Variants in SLC71A2 observed in about 807,000 individuals in gnomAD.
SLC71A2 encodes solute carrier family 71 member 2.
the SLC71A2 span, among the ~76,000 whole-genome samples, chr9:94,408,406 T>G: frequency 6.6e-6 from 1 of 152,196 alleles, no homozygotes; most frequent in Non-Finnish European, 1.5e-5. Flanking sequence ...AGGGGGCAAC[T>G]ACTGTAATGC....
At chr9:94,460,344 G>C in the SLC71A2 span, 252 of 152,702 alleles carry the variant, frequency 1.7e-3, no homozygotes, top group African/African-American at 6.0e-3. Flanking sequence ...TCCATGTCCT[G>C]CTTCTCAAAG....
At chr9:94,384,437 T>G in the SLC71A2 span, among the ~76,000 whole-genome samples, 2 of 150,364 alleles carry the variant, frequency 1.3e-5, no homozygotes, top group African/African-American at 4.9e-5. Flanking sequence ...CTCCCCAGGC[T>G]CAGGCGATCC....
chr9:94,424,250 G>GGA, the SLC71A2 span, among the ~76,000 whole-genome samples: 1 of 151,746 alleles, frequency 6.6e-6, no homozygotes, highest in African/African-American at 2.4e-5. Flanking sequence ...GGCGGAGGGG[G>GGA]GAGCAATGGA....
the SLC71A2 span, among the ~76,000 whole-genome samples, chr9:94,449,811 A>T: frequency 1.3e-5 from 2 of 152,244 alleles, no homozygotes; most frequent in African/African-American, 4.8e-5. Context: ...AGTAGAATCA[A>T]CTCAAATGTC....
chr9:94,418,037 A>G, the SLC71A2 span, among the ~76,000 whole-genome samples: 40 of 152,060 alleles, frequency 2.6e-4, no homozygotes, highest in Admixed American at 5.9e-4. Flanking sequence ...TTGTATTTTT[A>G]GTAGAGACGA....
chr9:94,404,306 T>C, the SLC71A2 span, among the ~76,000 whole-genome samples: 1 of 152,088 alleles, frequency 6.6e-6, no homozygotes, highest in East Asian at 1.9e-4. Flanking sequence ...TCTTTTTTGT[T>C]TTTTTGGGGG....
At chr9:94,399,405 T>C in the SLC71A2 span, among the ~76,000 whole-genome samples, 1 of 152,334 alleles carries the variant, frequency 6.6e-6, no homozygotes, top group East Asian at 1.9e-4. Context: ...CTCTTTCAGC[T>C]GATAGAGTGT....
At chr9:94,380,263 T>C in the SLC71A2 span, among the ~76,000 whole-genome samples, 17 of 152,040 alleles carry the variant, frequency 1.1e-4, no homozygotes, top group East Asian at 3.3e-3. Flanking sequence ...AGAGCGAGAC[T>C]CTTTCTCAAA....
At chr9:94,454,158 A>G in the SLC71A2 span, 1 of 877,362 alleles carries the variant, frequency 1.1e-6, no homozygotes, top group Non-Finnish European at 1.9e-6. Flanking sequence ...AGAAGGAAGC[A>G]AGGGTTATTT....
chr9:94,442,893 C>A, the SLC71A2 span, among the ~76,000 whole-genome samples: 1 of 151,622 alleles, frequency 6.6e-6, no homozygotes, highest in Non-Finnish European at 1.5e-5. Context: ...AACCTCCCCC[C>A]GCCCTGCCAA....
chr9:94,379,189 C>T, the SLC71A2 span, among the ~76,000 whole-genome samples: 1 of 150,356 alleles, frequency 6.7e-6, no homozygotes, highest in Non-Finnish European at 1.5e-5. Flanking sequence ...CGGGTTCAAG[C>T]GATTCTCCTG....
chr9:94,444,844 CCCTGGTTGAGTGTGCTTT>C, the SLC71A2 span: 1 of 815,142 alleles, frequency 1.2e-6, no homozygotes, highest in Admixed American at 2.1e-5. Flanking sequence ...ACCTGTGGGA[CCCTGGTTGAGTGTGCTTT>C]CCTGAAGGTG....
At chr9:94,384,806 A>G in the SLC71A2 span, among the ~76,000 whole-genome samples, 2 of 152,158 alleles carry the variant, frequency 1.3e-5, no homozygotes, top group Admixed American at 6.6e-5. Flanking sequence ...TGTCAGGGCT[A>G]TTGAAGAAAA....
chr9:94,456,285 G>GT, the SLC71A2 span: 1 of 1,614,104 alleles, frequency 6.2e-7, no homozygotes, highest in African/African-American at 1.3e-5. Context: ...CCAGCATCAC[G>GT]TTTCCGGCAA....
chr9:94,413,692 A>T, the SLC71A2 span, among the ~76,000 whole-genome samples: 3 of 151,518 alleles, frequency 2.0e-5, no homozygotes, highest in Non-Finnish European at 2.9e-5. Context: ...ATTAAGAAAC[A>T]ACCCTTATAC....
chr9:94,384,245 C>T, the SLC71A2 span, among the ~76,000 whole-genome samples: 1 of 152,134 alleles, frequency 6.6e-6, no homozygotes, highest in African/African-American at 2.4e-5. Flanking sequence ...TGGAATCATA[C>T]CATATTCATC....
At chr9:94,439,022 GTT>G in the SLC71A2 span, among the ~76,000 whole-genome samples, 4 of 115,646 alleles carry the variant, frequency 3.5e-5, no homozygotes, top group Non-Finnish European at 1.7e-5. Context: ...ATTTGAGTTC[GTT>G]TTTTTTTTTT....
At chr9:94,418,305 G>C in the SLC71A2 span, among the ~76,000 whole-genome samples, 1 of 151,990 alleles carries the variant, frequency 6.6e-6, no homozygotes, top group African/African-American at 2.4e-5. Context: ...TTCTTTCTTT[G>C]TTCATCTTAA....
At chr9:94,390,644 A>C in the SLC71A2 span, among the ~76,000 whole-genome samples, 1 of 152,230 alleles carries the variant, frequency 6.6e-6, no homozygotes, top group East Asian at 1.9e-4. Context: ...GGATGTGCAC[A>C]TGTGACTGCT....
Sources: gnomAD v4.1 joint callset for allele counts (sites outside exome capture counted in the v4.1 genomes callset) on GRCh38, gnomAD v4.1.1 for gene constraint, MANE v1.5 for transcripts, NCBI Gene and HGNC (gene_info 2026-07-23, HGNC 2026-07-21) for gene names.